The following IQCK variants were observed in gnomAD, a reference collection of about 807,000 sequenced individuals.
IQCK encodes the protein IQ motif containing K.
Under a neutral mutation model 28.1 loss-of-function variants are expected in IQCK, and 29 were observed. The observed-to-expected ratio is 1.03, with a 90% confidence interval of 0.77 to 1.41. The LOEUF is 1.41. IQCK is among the 40% of genes most tolerant of loss of function. The pLI is 0.00. For missense variants in IQCK, 359 were observed against 314.7 expected (o/e 1.14, Z -1.07); for synonymous variants, 113 against 115.1 (o/e 0.98, Z 0.12).
chr16:19,839,071 G>T (rs1014437642), intron 9 of IQCK, among the ~76,000 whole-genome samples: 2 of 151,374 alleles, frequency 1.3e-5, no homozygotes, highest in Admixed American at 1.3e-4. Context: ...TATCTTTCAG[G>T]GGAGGAAACT....
chr16:19,724,212 G>T (rs1977584202), intron 1 of IQCK, among the ~76,000 whole-genome samples: 1 of 152,012 alleles, frequency 6.6e-6, no homozygotes, highest in Non-Finnish European at 1.5e-5. Flanking sequence ...AGTCCACGTG[G>T]CCCCTCTTCT....
chr16:19,751,555 C>T (rs2054986940), intron 4 of IQCK, among the ~76,000 whole-genome samples: 1 of 151,884 alleles, frequency 6.6e-6, no homozygotes, highest in Non-Finnish European at 1.5e-5. Flanking sequence ...AGTGCAAAGC[C>T]AGAGGAAAGA....
At chr16:19,835,516 C>T (rs1292217230) in intron 9 of IQCK, among the ~76,000 whole-genome samples, 1 of 151,830 alleles carries the variant, frequency 6.6e-6, no homozygotes, top group East Asian at 1.9e-4. Context: ...GTATTATGAA[C>T]AATGCTCCAT....
intron 7 of IQCK, among the ~76,000 whole-genome samples, chr16:19,816,457 T>G (rs923967819): frequency 2.6e-5 from 4 of 152,152 alleles, no homozygotes; most frequent in Non-Finnish European, 4.4e-5. Context: ...AATTTTTGTA[T>G]TTTTAGTAGA....
intron 6 of IQCK, chr16:19,765,876 T>C (rs1262443287): frequency 6.6e-6 from 1 of 152,140 alleles, no homozygotes; most frequent in Non-Finnish European, 1.5e-5. Context: ...TGAAAAAAAA[T>C]TTTCCATTTG....
chr16:19,754,300 A>T (rs1219438075), intron 4 of IQCK, among the ~76,000 whole-genome samples: 1 of 152,218 alleles, frequency 6.6e-6, no homozygotes, highest in Non-Finnish European at 1.5e-5. Context: ...TCAGACTGGA[A>T]CAATGCACTT....
chr16:19,852,661 C>A (rs1313359729), intron 9 of IQCK, among the ~76,000 whole-genome samples: 1 of 141,114 alleles, frequency 7.1e-6, no homozygotes, highest in Non-Finnish European at 1.5e-5. Flanking sequence ...CTCGCCCTGT[C>A]GCCCAGGCTG....
intron 3 of IQCK, 65 bp downstream of exon 3, chr16:19,733,892 G>A (rs2151683470): frequency 1.3e-6 from 2 of 1,566,090 alleles, no homozygotes; most frequent in Non-Finnish European, 8.8e-7. Context: ...CACAGGGTGG[G>A]TATGGAGGCG....
downstream of IQCK, among the ~76,000 whole-genome samples, chr16:19,831,481 G>T (rs2056232469): frequency 6.6e-6 from 1 of 152,056 alleles, no homozygotes; most frequent in Admixed American, 6.6e-5. Flanking sequence ...TTATGAATCT[G>T]GGTAGTGTGG....
chr16:19,805,360 A>G (rs1435015180), intron 7 of IQCK, among the ~76,000 whole-genome samples: 3 of 152,216 alleles, frequency 2.0e-5, no homozygotes, highest in Admixed American at 1.3e-4. Context: ...TTTGAAGGCA[A>G]TATAGCATCA....
intron 1 of IQCK, among the ~76,000 whole-genome samples, chr16:19,728,494 C>T (rs901756846): frequency 2.0e-5 from 3 of 152,192 alleles, no homozygotes; most frequent in African/African-American, 7.2e-5. Context: ...AAGTGATCCA[C>T]CCACCTTGGC....
chr16:19,718,538 G>A (rs1977339253), intron 1 of IQCK, 51 bp downstream of exon 1: 1 of 1,480,898 alleles, frequency 6.8e-7, no homozygotes, highest in African/African-American at 1.4e-5. Context: ...GGCCGGACGG[G>A]GGCCGCGTTT....
intron 4 of IQCK, among the ~76,000 whole-genome samples, chr16:19,753,279 G>C (rs2055011497): frequency 6.6e-6 from 1 of 151,762 alleles, no homozygotes; most frequent in Admixed American, 6.6e-5. Flanking sequence ...AAAATTACCT[G>C]AGCATTACAG....
chr16:19,826,876 T>C (rs1207989102), intron 7 of IQCK, 150 bp from the exon 8 acceptor site: 2 of 640,452 alleles, frequency 3.1e-6, no homozygotes, highest in Non-Finnish European at 5.6e-6. Flanking sequence ...ATGTAAGCTC[T>C]AGGAGTGTCA....
At chr16:19,813,992 C>T (rs970419275) in intron 7 of IQCK, among the ~76,000 whole-genome samples, 4 of 151,740 alleles carry the variant, frequency 2.6e-5, no homozygotes, top group South Asian at 2.1e-4. Context: ...GCCAGGGTGG[C>T]GGATCACTTG....
At chr16:19,762,689 C>T (rs2055165643) in intron 4 of IQCK, among the ~76,000 whole-genome samples, 3 of 152,100 alleles carry the variant, frequency 2.0e-5, no homozygotes, top group South Asian at 2.1e-4. Context: ...CTAAACAATA[C>T]GGATGCCAAA....
chr16:19,835,867 G>A, intron 9 of IQCK, among the ~76,000 whole-genome samples: 1 of 152,192 alleles, frequency 6.6e-6, no homozygotes, highest in Non-Finnish European at 1.5e-5. Flanking sequence ...TTACAGGCGT[G>A]AGCCATCATG....
chr16:19,720,879 T>A (rs113948068), intron 1 of IQCK, among the ~76,000 whole-genome samples: 25 of 152,104 alleles, frequency 1.6e-4, no homozygotes, highest in African/African-American at 5.8e-4. Context: ...TAAGTCAGGC[T>A]TGGTGGTGGG....
Position 19,733,809 on chromosome 16 carries a change from AC to A in IQCK, c.359del (p.Thr120LysfsTer51). The A allele has an allele frequency of 6.2e-7, 1 of 1,614,170 alleles. No individual in the cohort carries two copies. Reference sequence around the variant, plus strand: ...ACCCTGTCCTCAAGATAAATCGGAAACAATCAACCCAAAAACATGTGAGTAA... The same window carrying A: ...ACCCTGTCCTCAAGATAAATCGGAAAAATCAACCCAAAAACATGTGAGTAA... On this transcript the variant is annotated frameshift_variant, in exon 3 of 8. Transcript: ENST00000564186. LOFTEE classifies it high-confidence loss of function.
Sources: allele counts gnomAD v4.1 joint callset (sites outside exome capture counted in the v4.1 genomes callset), GRCh38; gene constraint gnomAD v4.1.1; transcripts MANE v1.5; gene names NCBI Gene and HGNC (gene_info 2026-07-23, HGNC 2026-07-21).